LRRC8B: variants seen among roughly 807,000 people sequenced by gnomAD.
LRRC8B encodes leucine rich repeat containing 8 VRAC subunit B, also known as volume-regulated anion channel subunit LRRC8B.
A neutral mutation model predicts 58.8 loss-of-function variants in LRRC8B; 23 were observed. The observed-to-expected ratio is 0.39, with a 90% CI of 0.28 to 0.55. The LOEUF (loss-of-function observed/expected upper bound fraction) is 0.55. Ranked by LOEUF, LRRC8B falls within the 20% of genes least tolerant of loss-of-function variation. The probability of loss-of-function intolerance (pLI) is 0.62; values close to 1 mark genes in which losing one functional copy is unlikely to be tolerated. For missense variants in LRRC8B, 694 were observed against 936.0 expected, an observed-to-expected ratio of 0.74 and a Z score of 3.37; for synonymous variants, 359 against 374.1, an observed-to-expected ratio of 0.96 and a Z score of 0.47.
chr1:89,527,034 C>T (rs1440272864), intron 1 of LRRC8B: 2 of 152,162 alleles, frequency 1.3e-5, no homozygotes, highest in Non-Finnish European at 2.9e-5. Context: ...GATACTAAGC[C>T]TTCCAAGTTT....
intron 1 of LRRC8B, among the ~76,000 whole-genome samples, chr1:89,567,817 G>A (rs1653150114): frequency 6.6e-6 from 1 of 152,030 alleles, no homozygotes; most frequent in Admixed American, 6.6e-5. Context: ...AAATTTAGTA[G>A]GGGAATGACT....
intron 1 of LRRC8B, among the ~76,000 whole-genome samples, chr1:89,542,716 GGTT>G (rs1374416978): frequency 6.6e-6 from 1 of 152,134 alleles, no homozygotes; most frequent in Non-Finnish European, 1.5e-5. Flanking sequence ...AATCTCATGG[GGTT>G]GTTGAGAGTT....
At chr1:89,529,915 A>G (rs528988753) in intron 1 of LRRC8B, among the ~76,000 whole-genome samples, 3 of 152,010 alleles carry the variant, frequency 2.0e-5, no homozygotes, top group African/African-American at 7.2e-5. Flanking sequence ...GCACTGTACT[A>G]TATTCTGGGG....
intron 1 of LRRC8B, among the ~76,000 whole-genome samples, chr1:89,544,358 T>C (rs113529234): frequency 0.01 from 1,529 of 152,312 alleles, 27 homozygotes; most frequent in African/African-American, 0.035. Flanking sequence ...GGGTGCTTTA[T>C]TGTCAGTGTG....
chr1:89,584,170 T>A lies in LRRC8B; in HGVS notation c.1520T>A (p.Phe507Tyr). The A allele has an allele frequency of 6.2e-7, 1 of 1,611,870 alleles. No individual in the cohort carries two copies. The highest frequency in any genetic ancestry group is 8.5e-7 in the Non-Finnish European group (1 of 1,180,004). The change falls in exon 5 of 6, where the codon TTT becomes TAT. Residue 507 changes from phenylalanine to tyrosine, a missense_variant. By Grantham distance (22) the Phe-to-Tyr change is conservative. This residue lies in a region of LRRC8B where 162 missense variants were observed against 198.5 expected (regional missense o/e 0.82). Coordinates refer to ENST00000330947, the MANE Select transcript of LRRC8B (RefSeq NM_001369817.2). ...TEMGKIPRWV[F>Y]HLKNLKELYL... ...ATGGGAAAAATCCCACGCTGGGTATTTCACCTCAAGAATCTCAAGGAACTT... is the reference window on the plus strand; with the variant it reads ...ATGGGAAAAATCCCACGCTGGGTATATCACCTCAAGAATCTCAAGGAACTT...
chr1:89,592,105 G>A (rs1229562517), intron 5 of LRRC8B, among the ~76,000 whole-genome samples: 2 of 152,128 alleles, frequency 1.3e-5, no homozygotes, highest in African/African-American at 4.8e-5. Context: ...AGCTTTAGGA[G>A]TTGACCTAAT....
At position 89,568,252 on chromosome 1, in the gene LRRC8B, A is replaced by T. The variant is rs1653183581; in HGVS notation, c.-235A>T. On this transcript the variant is annotated 5_prime_UTR_variant, in exon 2 of 6. Coordinates refer to ENST00000330947, the MANE Select transcript of LRRC8B (RefSeq NM_001369817.2). Reference sequence around the variant, plus strand: ...TGATTTGTTTCTCTCCCTAGGTAATAGTTAACCTCTTCTGTGAGAAGTCAG... The same window carrying T: ...TGATTTGTTTCTCTCCCTAGGTAATTGTTAACCTCTTCTGTGAGAAGTCAG... The T allele has an allele frequency of 6.6e-6, 1 of 152,130 alleles. No individual in the cohort carries two copies. The highest frequency in any genetic ancestry group is 1.5e-5 in the Non-Finnish European group (1 of 67,978). The allele number at this position is 152,130 out of a possible 1,614,324, so 9.4% of individuals were successfully genotyped here.
At chr1:89,588,658 T>G (rs1654790993) in intron 5 of LRRC8B, among the ~76,000 whole-genome samples, 1 of 152,232 alleles carries the variant, frequency 6.6e-6, no homozygotes, top group Admixed American at 6.5e-5. Context: ...TAGCCTGAAC[T>G]GGTACCTTCA....
Position 89,595,965 on chromosome 1 carries a change from T to C in LRRC8B, c.*2922T>C, listed in dbSNP as rs1655268909. On this transcript the variant is annotated 3_prime_UTR_variant, in exon 6 of 6. Coordinates refer to ENST00000330947, the MANE Select transcript of LRRC8B (RefSeq NM_001369817.2). ...GAACAAAATTCATAGCTTACGGTAGTAATGGCATGGATTAATTTTATTTGC... is the reference window on the plus strand; with the variant it reads ...GAACAAAATTCATAGCTTACGGTAGCAATGGCATGGATTAATTTTATTTGC... The C allele has an allele frequency of 6.6e-6, 1 of 152,156 alleles. No homozygotes were observed. Among genetic ancestry groups the C allele is most frequent in the South Asian group, 2.1e-4 (1 of 4,826 alleles). The allele number at this position is 152,156 out of a possible 1,614,324, so 9.4% of individuals were successfully genotyped here.
intron 3 of LRRC8B, among the ~76,000 whole-genome samples, chr1:89,573,266 C>T (rs1421492007): frequency 2.0e-5 from 3 of 150,940 alleles, no homozygotes. Flanking sequence ...CGCCACTGCA[C>T]TCCAGCCTGA....
chr1:89,555,796 A>G (rs1343918521), intron 1 of LRRC8B, among the ~76,000 whole-genome samples: 1 of 152,218 alleles, frequency 6.6e-6, no homozygotes, highest in Non-Finnish European at 1.5e-5. Flanking sequence ...ACTGTTTGAA[A>G]TTGCATCAGC....
intron 1 of LRRC8B, among the ~76,000 whole-genome samples, chr1:89,541,705 C>T (rs1168929263): frequency 2.5e-5 from 2 of 80,596 alleles, no homozygotes; most frequent in Non-Finnish European, 4.1e-5. Flanking sequence ...AGGGAGACTC[C>T]GTCTCAAAAA....
At chr1:89,534,614 GTTA>G (rs1428235280) in intron 1 of LRRC8B, among the ~76,000 whole-genome samples, 1 of 151,996 alleles carries the variant, frequency 6.6e-6, no homozygotes, top group Non-Finnish European at 1.5e-5. Context: ...CTTTTGAATT[GTTA>G]TTATGATTTT....
At chr1:89,531,856 T>C (rs1206392216) in intron 1 of LRRC8B, among the ~76,000 whole-genome samples, 1 of 152,176 alleles carries the variant, frequency 6.6e-6, no homozygotes, top group Non-Finnish European at 1.5e-5. Flanking sequence ...AGGCCTAGTG[T>C]TGTGTGTGGT....
intron 1 of LRRC8B, among the ~76,000 whole-genome samples, chr1:89,546,516 T>C (rs529564993): frequency 1.3e-5 from 2 of 152,336 alleles, no homozygotes; most frequent in Admixed American, 1.3e-4. Flanking sequence ...GAACACTCCA[T>C]CAGCTCATGG....
In LRRC8B at chr1:89,525,018, C is replaced by T. The variant is rs979265319; in HGVS notation, c.-245C>T. The T allele has an allele frequency of 6.6e-6, 1 of 152,210 alleles. No individual in the cohort carries two copies. The highest frequency in any genetic ancestry group is 2.4e-5 in the African/African-American group (1 of 41,444). The allele number at this position is 152,210 out of a possible 1,614,324, so 9.4% of individuals were successfully genotyped here. On this transcript the variant is annotated 5_prime_UTR_variant, in exon 1 of 6. Coordinates refer to ENST00000330947, the MANE Select transcript of LRRC8B (RefSeq NM_001369817.2). ...GCGCGGGCGTCCGGGGCTGGAGTCG[C>T]GCAGGTAGGTCGGAGCGTGACACCC...
At chr1:89,554,313 A>G (rs1157631180) in intron 1 of LRRC8B, among the ~76,000 whole-genome samples, 1 of 152,072 alleles carries the variant, frequency 6.6e-6, no homozygotes, top group Non-Finnish European at 1.5e-5. Context: ...TTTACCCCTT[A>G]TTCCTTCACC....
intron 1 of LRRC8B, among the ~76,000 whole-genome samples, chr1:89,537,358 A>G (rs1340748114): frequency 6.6e-6 from 1 of 152,192 alleles, no homozygotes. Context: ...AGCAGAATTC[A>G]AGTGTTGAAA....
chr1:89,579,168 G>A (rs1008591545), intron 3 of LRRC8B, among the ~76,000 whole-genome samples: 3 of 152,218 alleles, frequency 2.0e-5, no homozygotes, highest in African/African-American at 7.2e-5. Context: ...TGAGGAATGA[G>A]TGAGAGAAAT....
Sources: allele counts gnomAD v4.1 joint callset (sites outside exome capture counted in the v4.1 genomes callset), GRCh38; gene constraint gnomAD v4.1.1; regional missense constraint gnomAD v4.1.1; transcripts MANE v1.5; gene names NCBI Gene and HGNC (gene_info 2026-07-23, HGNC 2026-07-21).